KCNH8: variants seen among roughly 807,000 people sequenced by gnomAD.
KCNH8 encodes voltage-gated delayed rectifier potassium channel KCNH8.
KCNH8 carries 70 observed loss-of-function variants against 103.6 expected under a neutral mutation model. That is an observed-to-expected ratio of 0.68 (90% CI 0.56 to 0.82). The LOEUF (loss-of-function observed/expected upper bound fraction) is 0.82. KCNH8 is among the 40% of genes least tolerant of loss of function. The pLI, the probability that KCNH8 is intolerant of heterozygous loss-of-function variation, is 0.00. For synonymous variants in KCNH8, 498 were observed against 489.4 expected (o/e 1.02, Z -0.23); for missense variants, 1,217 against 1,329.9 (o/e 0.92, Z 1.32).
At chr3:19,342,533 C>G (rs1403870557) in intron 3 of KCNH8, 54 bp from the exon 4 acceptor site, 14 of 1,553,814 alleles carry the variant, frequency 9.0e-6, no homozygotes, top group Non-Finnish European at 1.1e-5. Context: ...AAATGACATT[C>G]TTGAGGTGAA....
At chr3:19,291,234 T>C (rs1296238566) in intron 3 of KCNH8, among the ~76,000 whole-genome samples, 6 of 152,236 alleles carry the variant, frequency 3.9e-5, no homozygotes, top group Non-Finnish European at 7.3e-5. Context: ...TTTTTGTGTC[T>C]CTATTTCCTT....
At chr3:19,170,806 A>ATTTTTTTTT (rs1473525004) in intron 1 of KCNH8, among the ~76,000 whole-genome samples, 1 of 103,402 alleles carries the variant, frequency 9.7e-6, no homozygotes, top group African/African-American at 4.8e-5. Flanking sequence ...ATATATATAT[A>ATTTTTTTTT]TATATTTTTT....
Position 19,517,906 on chromosome 3 carries a change from G to C in KCNH8, c.2543-92G>C. The stretch of plus-strand genomic sequence containing the variant: ...ACATCAGAAAAGGTTAAAAGTGATA[G>C]CGTGGACTTTCTTTCATATTCTAAT... On this transcript the variant is annotated intron_variant, in intron 14 of 15. Coordinates refer to ENST00000328405, the MANE Select transcript of KCNH8 (RefSeq NM_144633.3). 8.0e-6 allele frequency: 8 copies of C among 994,278 alleles called. No homozygotes were observed. In the South Asian group the frequency reaches 1.1e-4, roughly 14 times the overall value. 61.6% of individuals were successfully genotyped at this position (994,278 alleles called of 1,614,324 possible).
intron 3 of KCNH8, among the ~76,000 whole-genome samples, chr3:19,315,742 A>T (rs2065264979): frequency 6.6e-6 from 1 of 151,990 alleles, no homozygotes; most frequent in African/African-American, 2.4e-5. Flanking sequence ...TAGTTCAACC[A>T]GGGCATTTTT....
chr3:19,452,671 T>C (rs1462689300), intron 10 of KCNH8, among the ~76,000 whole-genome samples: 2 of 152,158 alleles, frequency 1.3e-5, no homozygotes, highest in South Asian at 2.1e-4. Context: ...GTGAATTCAG[T>C]ACTTTATTTT....
intron 1 of KCNH8, among the ~76,000 whole-genome samples, chr3:19,207,516 A>C (rs1210429559): frequency 6.6e-6 from 1 of 152,002 alleles, no homozygotes; most frequent in Non-Finnish European, 1.5e-5. Flanking sequence ...CTTTGATTAT[A>C]ATATTATATC....
chr3:19,323,095 A>AT (rs1054476281), intron 3 of KCNH8, among the ~76,000 whole-genome samples: 20 of 151,688 alleles, frequency 1.3e-4, no homozygotes, highest in Admixed American at 7.2e-4. Context: ...CATATCCTGT[A>AT]TTTTTTTTAT....
intron 1 of KCNH8, among the ~76,000 whole-genome samples, chr3:19,243,171 C>A (rs1391891694): frequency 6.6e-6 from 1 of 152,132 alleles, no homozygotes; most frequent in Non-Finnish European, 1.5e-5. Context: ...TTTATTTCAG[C>A]CTAATTTATT....
At chr3:19,384,324 A>C (rs2066327198) in intron 5 of KCNH8, among the ~76,000 whole-genome samples, 1 of 152,196 alleles carries the variant, frequency 6.6e-6, no homozygotes, top group Admixed American at 6.5e-5. Flanking sequence ...TGCCTTGTTC[A>C]TCTTTGAGTG....
chr3:19,198,048 G>A (rs1321328309), intron 1 of KCNH8, among the ~76,000 whole-genome samples: 1 of 152,018 alleles, frequency 6.6e-6, no homozygotes, highest in Non-Finnish European at 1.5e-5. Context: ...AAGGACTGCT[G>A]CAATAATTCT....
At chr3:19,165,419 T>A (rs542430943) in intron 1 of KCNH8, among the ~76,000 whole-genome samples, 151 of 152,300 alleles carry the variant, frequency 9.9e-4, no homozygotes, top group Non-Finnish European at 1.4e-3. Context: ...ATGAACATAG[T>A]CAAATTAATA....
chr3:19,164,714 A>G (rs545981013), intron 1 of KCNH8, among the ~76,000 whole-genome samples: 116 of 152,370 alleles, frequency 7.6e-4, no homozygotes, highest in Non-Finnish European at 1.2e-3. Context: ...CTTTTTAAGA[A>G]GACATTATCT....
intron 3 of KCNH8, among the ~76,000 whole-genome samples, chr3:19,302,629 C>T (rs1183272065): frequency 6.6e-6 from 1 of 152,140 alleles, no homozygotes; most frequent in Non-Finnish European, 1.5e-5. Flanking sequence ...ATGAGTATTT[C>T]TTCATATCCT....
chr3:19,159,604 C>A (rs929465797), intron 1 of KCNH8, among the ~76,000 whole-genome samples: 2 of 152,008 alleles, frequency 1.3e-5, no homozygotes, highest in African/African-American at 2.4e-5. Context: ...TTGGCTGTGG[C>A]CTTGTCTAAT....
At chr3:19,496,766 A>G (rs1575140607) in intron 11 of KCNH8, among the ~76,000 whole-genome samples, 1 of 152,114 alleles carries the variant, frequency 6.6e-6, no homozygotes. Context: ...AATAGGAATG[A>G]TATCAGCTTT....
chr3:19,294,460 G>C (rs1045980127), intron 3 of KCNH8, among the ~76,000 whole-genome samples: 4 of 152,070 alleles, frequency 2.6e-5, no homozygotes, highest in Non-Finnish European at 5.9e-5. Flanking sequence ...CCTGATGAGA[G>C]AATTATTATA....
chr3:19,290,401 T>G (rs1575499825), intron 3 of KCNH8, among the ~76,000 whole-genome samples: 1 of 152,186 alleles, frequency 6.6e-6, no homozygotes, highest in African/African-American at 2.4e-5. Flanking sequence ...ATAGCTCTTA[T>G]TATTTTGAGA....
intron 5 of KCNH8, among the ~76,000 whole-genome samples, chr3:19,388,869 T>G (rs1344870698): frequency 6.6e-6 from 1 of 152,008 alleles, no homozygotes; most frequent in Non-Finnish European, 1.5e-5. Flanking sequence ...TTTTATCAGA[T>G]GTATCACCCA....
chr3:19,386,878 G>C (rs900288566), intron 5 of KCNH8, among the ~76,000 whole-genome samples: 3 of 152,108 alleles, frequency 2.0e-5, no homozygotes, highest in Non-Finnish European at 4.4e-5. Context: ...TTCAGTGTTT[G>C]CGAAGTTCCA....
Sources: gnomAD v4.1 joint callset for allele counts (sites outside exome capture counted in the v4.1 genomes callset) on GRCh38, gnomAD v4.1.1 for gene constraint, MANE v1.5 for transcripts, NCBI Gene and HGNC (gene_info 2026-07-23, HGNC 2026-07-21) for gene names.